Variants in C16orf95 observed in about 807,000 individuals in gnomAD.
The protein encoded by C16orf95 is chromosome 16 open reading frame 95, also known as uncharacterized protein C16orf95.
In C16orf95, 41 loss-of-function variants were observed where a neutral mutation model predicts 32.1. The observed-to-expected ratio is 1.28, with a 90% CI of 1.00 to 1.66. The LOEUF is 1.66. C16orf95 is among the 40% of genes most tolerant of loss of function. C16orf95 has a pLI of 0.00. For synonymous variants in C16orf95, 147 were observed against 128.9 expected (o/e 1.14, Z -0.95); for missense variants, 399 against 325.9 (o/e 1.22, Z -1.73).
chr16:87,316,936 A>G, intron 1 of C16orf95, 155 bp downstream of exon 1: 1 of 1,199,110 alleles, frequency 8.3e-7, no homozygotes, highest in Non-Finnish European at 1.1e-6. Flanking sequence ...GTTATGTGGA[A>G]CCATCAGTTG....
At chr16:87,306,914 G>C (rs112897549) in intron 5 of C16orf95, among the ~76,000 whole-genome samples, 3 of 152,140 alleles carry the variant, frequency 2.0e-5, no homozygotes, top group African/African-American at 7.2e-5. Context: ...TAAGCTTTTA[G>C]CTTTTCTTAA....
chr16:87,317,035 G>C, intron 1 of C16orf95, 56 bp downstream of exon 1: 1 of 1,459,184 alleles, frequency 6.9e-7, no homozygotes, highest in Non-Finnish European at 9.1e-7. Flanking sequence ...ATGCCGGGCC[G>C]GGAACTCACA....
chr16:87,313,509 G>C (rs935835584), intron 3 of C16orf95, among the ~76,000 whole-genome samples: 3 of 152,168 alleles, frequency 2.0e-5, no homozygotes, highest in Non-Finnish European at 2.9e-5. Flanking sequence ...CGAGGCGGGT[G>C]GGTCACTTGA....
rs892861804 is a variant in C16orf95, at chr16:87,305,076, C to T, written c.701+643G>A. Among the ~76,000 whole-genome samples, 4 of 152,138 alleles carry T rather than the reference C, an allele frequency of 2.6e-5. No individual in the cohort carries two copies. Among genetic ancestry groups the T allele is most frequent in the Admixed American group, 1.3e-4 (2 of 15,280 alleles). On this transcript the variant is annotated intron_variant, in intron 6 of 6. Transcript: ENST00000567970. The surrounding 1 kb of genome is among the most constrained non-coding windows in gnomAD (Gnocchi z 4.2). ...GAGAGAGGCTTTGCAGAGGAGCCAC[C>T]GCCTAGGCCGAGAGTAAAGGAGTAA...
At chr16:87,316,288 C>T (rs1369667870) in intron 1 of C16orf95, among the ~76,000 whole-genome samples, 1 of 152,178 alleles carries the variant, frequency 6.6e-6, no homozygotes, top group African/African-American at 2.4e-5. Context: ...AACCCGGGTG[C>T]TTTGTCTCTG....
In C16orf95 at chr16:87,311,194, C is replaced by T; in HGVS notation, c.433G>A (p.Val145Met). 6.5e-7 allele frequency: 1 copy of T among 1,535,602 alleles called. No individual in the cohort carries two copies. Among genetic ancestry groups the T allele is most frequent in the Non-Finnish European group, 8.7e-7 (1 of 1,146,500 alleles). Reference protein sequence around the residue: ...GRLPMPRDQAVMPYWVPQVLR... With the variant: ...GRLPMPRDQAMMPYWVPQVLR... ...ACCTGGGGCACCCAGTAGGGCATCA[C>T]TGCCTGGTCCCTAGGCATCGGGAGG... Residue 145 changes from valine (V) to methionine (M), a missense_variant, in exon 4 of 7, where the codon GTG (valine) becomes ATG (methionine). Coordinates refer to ENST00000567970, the MANE Select transcript of C16orf95 (RefSeq NM_001195124.3).
chr16:87,307,299 G>C (rs183894773), intron 5 of C16orf95, among the ~76,000 whole-genome samples: 2 of 152,260 alleles, frequency 1.3e-5, no homozygotes, highest in Admixed American at 1.3e-4. Context: ...TGGGTGTGGA[G>C]GTCCTGATCT....
At position 87,311,202 on chromosome 16, in the gene C16orf95, T is replaced by A; in HGVS notation, c.425A>T (p.Asp142Val). The change falls in exon 4 of 7, where the codon GAC becomes GTC. Residue 142 changes from aspartate (D) to valine (V), a missense_variant. Coordinates refer to ENST00000567970, the MANE Select transcript of C16orf95 (RefSeq NM_001195124.3). ...RFGGRLPMPRDQAVMPYWVPQ... is the reference protein window; with the variant it reads ...RFGGRLPMPRVQAVMPYWVPQ... ...CACCCAGTAGGGCATCACTGCCTGG[T>A]CCCTAGGCATCGGGAGGCGGCCCCC... is the stretch of plus-strand genomic sequence containing the variant. 1 of 1,535,682 alleles carries A rather than the reference T, an allele frequency of 6.5e-7. No homozygotes were observed. The highest frequency in any genetic ancestry group is 1.4e-5 in the African/African-American group (1 of 73,126).
intron 2 of C16orf95, among the ~76,000 whole-genome samples, chr16:87,315,507 G>A (rs1335137173): frequency 6.6e-6 from 1 of 152,202 alleles, no homozygotes; most frequent in African/African-American, 2.4e-5. Flanking sequence ...CCTCAGGCAG[G>A]AAGGAGAGGT....
At chr16:87,315,932 C>T in intron 1 of C16orf95, 109 bp from the exon 2 acceptor site, 1 of 624,806 alleles carries the variant, frequency 1.6e-6, no homozygotes, top group East Asian at 3.3e-5. Context: ...ATAATAAAGC[C>T]CACGGGTGGT....
rs1453453732 is a variant in C16orf95 at position 87,317,172 on chromosome 16, G to A, written c.71C>T (p.Ser24Leu). Residue 24 changes from serine (S) to leucine (L), a missense_variant, in exon 1 of 7, where the codon TCA (serine) becomes TTA (leucine). Transcript: ENST00000567970. Reference protein sequence around the residue: ...HHHHEATGAASGAAAGGPGAG... With the variant: ...HHHHEATGAALGAAAGGPGAG... ...GCCCGGCCCCCCGGCAGCAGCGCCT[G>A]AGGCTGCTCCAGTGGCCTCATGATG... The A allele has an allele frequency of 6.5e-7, 1 of 1,530,874 alleles. No homozygotes were observed. Among genetic ancestry groups the A allele is most frequent in the South Asian group, 1.2e-5 (1 of 83,066 alleles). 94.8% of individuals were successfully genotyped at this position (1,530,874 alleles called of 1,614,324 possible).
rs979640443 is a variant in C16orf95 at position 87,314,988 on chromosome 16, G to A, written c.313C>T (p.Leu105=). 1 of 1,535,992 alleles carries A rather than the reference G, an allele frequency of 6.5e-7. No homozygotes were observed. Among genetic ancestry groups the A allele is most frequent in the African/African-American group, 1.4e-5 (1 of 73,042 alleles). Residue 105 remains leucine, a synonymous_variant, in exon 3 of 7, where the codon CTG becomes TTG. Transcript: ENST00000567970. ...TCACCTACCTGCTTTCGGGGTCTCA[G>A]GGACAGAGGGACCCAGTAAGGCAGT... is the stretch of plus-strand genomic sequence containing the variant. ...AALPYWVPLS[L]RPRKQSQKTV...
Position 87,305,848 on chromosome 16 carries a change from C to T in C16orf95, c.572G>A (p.Cys191Tyr). Residue 191 changes from cysteine (C) to tyrosine (Y), a missense_variant, in exon 6 of 7, where the codon TGC becomes TAC. By Grantham distance (194) the Cys-to-Tyr change is radical. Coordinates refer to ENST00000567970, the MANE Select transcript of C16orf95 (RefSeq NM_001195124.3). This position sits in a 1 kb window ranked among gnomAD's most constrained non-coding sequence, Gnocchi z 4.2. ...GAGCTGCTGGAACTTGGACAACAGG[C>T]ACTCATCACCGCAGATCCGCCAGCA... ...HNCWRICGDE[C>Y]LLSKFQQLQA... 6.8e-6 allele frequency: 10 copies of T among 1,478,230 alleles called. No homozygotes were observed. Among genetic ancestry groups the T allele is most frequent in the African/African-American group, 1.4e-5 (1 of 70,158 alleles). The allele number at this position is 1,478,230 out of a possible 1,614,324, so 91.6% of individuals were successfully genotyped here. A position where few individuals can be genotyped will look rare whatever the true frequency, so the allele number is the denominator to read the frequency against.
intron 3 of C16orf95, among the ~76,000 whole-genome samples, chr16:87,312,463 G>A (rs1346874016): frequency 6.6e-6 from 1 of 151,304 alleles, no homozygotes; most frequent in Admixed American, 6.6e-5. Flanking sequence ...CAGCTACCCG[G>A]GAGACTGAGG....
intron 5 of C16orf95, among the ~76,000 whole-genome samples, chr16:87,308,698 G>C (rs747130535): frequency 2.6e-5 from 4 of 152,116 alleles, no homozygotes; most frequent in African/African-American, 9.7e-5. Context: ...GATGGTACTG[G>C]CAAAGCCATG....
At chr16:87,315,157 G>A (rs941957154) in intron 2 of C16orf95, 61 bp from the exon 3 acceptor site, 82 of 1,506,332 alleles carry the variant, frequency 5.4e-5, no homozygotes, top group Non-Finnish European at 6.9e-5. Flanking sequence ...GGAGACAGGA[G>A]GCTCTCAAGC....
chr16:87,315,774 A>G lies in C16orf95; in HGVS notation c.202T>C (p.Ser68Pro), dbSNP rs1334709238. 3.3e-6 allele frequency: 5 copies of G among 1,529,542 alleles called. No homozygotes were observed. In the South Asian group the frequency reaches 4.8e-5, roughly 15 times the overall value. 94.7% of individuals were successfully genotyped at this position (1,529,542 alleles called of 1,614,324 possible). ...GGCTGAGGATTTGCTTTCCTTACCG[A>G]ATGACGGGGGAGGCACACTTCTTTC... ...YKKEVCLPRHSMHPGPWAICC... is the reference protein window; with the variant it reads ...YKKEVCLPRHPMHPGPWAICC... Residue 68 changes from serine (S) to proline (P), a missense_variant and splice_region_variant, in exon 2 of 7, where the codon TCG becomes CCG. Coordinates refer to ENST00000567970, the MANE Select transcript of C16orf95 (RefSeq NM_001195124.3).
At chr16:87,306,073 G>A (rs1347003380) in intron 5 of C16orf95, 168 bp from the exon 6 acceptor site, 2 of 465,434 alleles carry the variant, frequency 4.3e-6, no homozygotes, top group South Asian at 1.1e-4. Flanking sequence ...GATAAAGGCC[G>A]TCTTGCGGGT....
At chr16:87,316,282 C>A (rs555168778) in intron 1 of C16orf95, among the ~76,000 whole-genome samples, 61 of 152,226 alleles carry the variant, frequency 4.0e-4, no homozygotes, top group Admixed American at 3.9e-3. Flanking sequence ...TATAAAAACC[C>A]GGGTGCTTTG....
Sources: gnomAD v4.1 joint callset for allele counts (sites outside exome capture counted in the v4.1 genomes callset) on GRCh38, gnomAD v4.1.1 for gene constraint, Gnocchi (gnomAD v3.1) non-coding constraint, MANE v1.5 for transcripts, NCBI Gene and HGNC (gene_info 2026-07-23, HGNC 2026-07-21) for gene names.